Variants in HLCS observed in about 807,000 individuals in gnomAD.
HLCS encodes biotin--protein ligase.
Under a neutral mutation model 75.0 loss-of-function variants are expected in HLCS, and 53 were observed. That is an observed-to-expected ratio of 0.71 (90% CI 0.57 to 0.89). HLCS has a LOEUF of 0.89. Ranked by LOEUF, HLCS falls within the 40% of genes least tolerant of loss-of-function variation. The pLI, the probability that HLCS is intolerant of heterozygous loss-of-function variation, is 0.00. For missense variants in HLCS, 966 were observed against 1,074.0 expected (o/e 0.90, Z 1.41); for synonymous variants, 431 against 428.6 (o/e 1.01, Z -0.07).
chr21:36,931,952 C>T (rs1213831579), intron 4 of HLCS, among the ~76,000 whole-genome samples: 1 of 152,150 alleles, frequency 6.6e-6, no homozygotes, highest in Non-Finnish European at 1.5e-5. Flanking sequence ...CCCCCCACAT[C>T]CCCAAGCTGT....
chr21:36,972,530 C>G (rs768415413), intron 1 of HLCS, among the ~76,000 whole-genome samples: 1 of 152,060 alleles, frequency 6.6e-6, no homozygotes, highest in South Asian at 2.1e-4. Flanking sequence ...GGAAAGAAAC[C>G]CAGTGAAACC....
In HLCS at chr21:36,759,835, T is replaced by A. The variant is rs774004352; in HGVS notation, c.2128A>T (p.Asn710Tyr). 6.3e-7 allele frequency: 1 copy of A among 1,599,950 alleles called. No homozygotes were observed. The highest frequency in any genetic ancestry group is 8.6e-7 in the Non-Finnish European group (1 of 1,167,100). The change falls in exon 9 of 11, where the codon AAC becomes TAC. Residue 710 changes from asparagine (N) to tyrosine (Y), a missense_variant. By Grantham distance (143) the Asn-to-Tyr change is moderately radical. Coordinates refer to ENST00000674895, the MANE Select transcript of HLCS (RefSeq NM_001352514.2). ...TCGTTGGGCCACTTCACTCGTAAGT[T>A]GATATCCTAAAGGGAAATCTGCACA... ...VRSIPEYQDI[N>Y]LRVKWPNDIY...
chr21:36,904,913 A>C (rs984786206), intron 5 of HLCS, among the ~76,000 whole-genome samples: 1 of 152,220 alleles, frequency 6.6e-6, no homozygotes, highest in African/African-American at 2.4e-5. Flanking sequence ...CATAGACATC[A>C]AGACAAGTGG....
In HLCS at chr21:36,748,839, C is replaced by A. The variant is rs1377337375; in HGVS notation, c.*5407G>T. 6.6e-6 allele frequency: 1 copy of A among 152,520 alleles called. No individual in the cohort carries two copies. The highest frequency in any genetic ancestry group is 1.5e-5 in the Non-Finnish European group (1 of 68,034). The allele number at this position is 152,520 out of a possible 1,614,324, so 9.4% of individuals were successfully genotyped here. ...GAATATATTGAATAGGCATTAAATG[C>A]AAAAATATATATGTAGCCAGACAGT... On this transcript the variant is annotated 3_prime_UTR_variant, in exon 11 of 11. Coordinates refer to ENST00000674895, the MANE Select transcript of HLCS (RefSeq NM_001352514.2).
chr21:36,943,619 T>C (rs2067248292), intron 2 of HLCS: 1 of 152,022 alleles, frequency 6.6e-6, no homozygotes, highest in South Asian at 2.1e-4. Flanking sequence ...AAGACCAACC[T>C]GGGCAACATG....
At chr21:36,818,077 A>G (rs1397922770) in intron 6 of HLCS, among the ~76,000 whole-genome samples, 1 of 152,262 alleles carries the variant, frequency 6.6e-6, no homozygotes, top group Non-Finnish European at 1.5e-5. Flanking sequence ...CAGAAAGGGA[A>G]TATGAGATCA....
rs563890797 is a variant in HLCS, at chr21:36,823,061, A to C, written c.1893-55776T>G. ...TAAAGCACCGCCAAATACAACAATG[A>C]CTAATAGCCTTTTTAAATGAATCTA... On this transcript the variant is annotated intron_variant, in intron 6 of 10. Transcript: ENST00000674895. Among the ~76,000 whole-genome samples, 16 of 152,352 alleles carry C rather than the reference A, an allele frequency of 1.1e-4. 1 individual carries two copies. In the South Asian group the frequency reaches 3.3e-3, roughly 32 times the overall value.
chr21:36,820,576 G>A (rs1032033897), intron 6 of HLCS, among the ~76,000 whole-genome samples: 4 of 152,206 alleles, frequency 2.6e-5, no homozygotes, highest in African/African-American at 7.2e-5. Flanking sequence ...TGACATGCCA[G>A]CCCCCTGCTG....
At chr21:36,885,474 C>T (rs1183657591) in intron 6 of HLCS, among the ~76,000 whole-genome samples, 4 of 150,834 alleles carry the variant, frequency 2.7e-5, no homozygotes, top group Non-Finnish European at 5.9e-5. Flanking sequence ...GACCACTGTA[C>T]TCCAGCCTGG....
chr21:36,895,672 T>C (rs2064984727), intron 6 of HLCS, among the ~76,000 whole-genome samples: 1 of 152,208 alleles, frequency 6.6e-6, no homozygotes, highest in Non-Finnish European at 1.5e-5. Context: ...CATCATTTTA[T>C]ATCCATATAG....
At position 36,756,450 on chromosome 21, in the gene HLCS, CAAAAAAAAAAA is replaced by C. The variant is rs56071863; in HGVS notation, c.2450+81_2450+91del. On this transcript the variant is annotated intron_variant, in intron 10 of 10. Transcript: ENST00000674895. ...TGGGCGACAGAGTGAGACTCCGTCT[CAAAAAAAAAAA>C]AAAAAAAAAAAAAAAAAGATACAGA... The C allele has an allele frequency of 1.5e-4, 57 of 369,594 alleles. 1 individual carries two copies. The highest frequency in any genetic ancestry group is 6.3e-4 in the African/African-American group (13 of 20,750). 22.9% of individuals were successfully genotyped at this position (369,594 alleles called of 1,614,324 possible).
chr21:36,863,588 A>C (rs2063455551), intron 6 of HLCS, among the ~76,000 whole-genome samples: 1 of 152,134 alleles, frequency 6.6e-6, no homozygotes, highest in Non-Finnish European at 1.5e-5. Context: ...AAAGCCTGTG[A>C]GTTTTTGAGA....
intron 6 of HLCS, among the ~76,000 whole-genome samples, chr21:36,876,795 CTA>C (rs2063996586): frequency 6.6e-6 from 1 of 152,168 alleles, no homozygotes; most frequent in Non-Finnish European, 1.5e-5. Flanking sequence ...TCCAGATTAT[CTA>C]TGTTTTTCAT....
chr21:36,891,816 T>C (rs2064798322), intron 6 of HLCS, among the ~76,000 whole-genome samples: 1 of 152,130 alleles, frequency 6.6e-6, no homozygotes, highest in Non-Finnish European at 1.5e-5. Flanking sequence ...ACCAGCAATC[T>C]AAGTGAGCCT....
chr21:36,867,409 G>C (rs1470380508), intron 6 of HLCS, among the ~76,000 whole-genome samples: 2 of 152,182 alleles, frequency 1.3e-5, no homozygotes, highest in Non-Finnish European at 2.9e-5. Context: ...AGCAAACACA[G>C]ATCAAAATCC....
upstream of HLCS, among the ~76,000 whole-genome samples, chr21:36,969,411 A>C (rs764991328): frequency 3.3e-5 from 5 of 152,154 alleles, no homozygotes; most frequent in Non-Finnish European, 7.3e-5. Context: ...GGCCCCACCC[A>C]ACCCCAAATC....
chr21:36,946,027 G>A, intron 2 of HLCS: 1 of 686,552 alleles, frequency 1.5e-6, no homozygotes, highest in Non-Finnish European at 1.8e-6. Flanking sequence ...GTTACTGGGA[G>A]CACTAAAAGG....
chr21:36,926,920 T>C (rs2066434321), intron 5 of HLCS, among the ~76,000 whole-genome samples: 1 of 152,132 alleles, frequency 6.6e-6, no homozygotes, highest in South Asian at 2.1e-4. Flanking sequence ...TTTTTGTATC[T>C]TCTGTAAAGA....
At chr21:36,781,451 C>T (rs1226186666) in intron 6 of HLCS, among the ~76,000 whole-genome samples, 1 of 152,016 alleles carries the variant, frequency 6.6e-6, no homozygotes, top group Non-Finnish European at 1.5e-5. Context: ...GTTGATTGTG[C>T]ATATTTCTTA....
Sources: allele counts gnomAD v4.1 joint callset (sites outside exome capture counted in the v4.1 genomes callset), GRCh38; gene constraint gnomAD v4.1.1; transcripts MANE v1.5; gene names NCBI Gene and HGNC (gene_info 2026-07-23, HGNC 2026-07-21).